The following PGM5 variants were observed in gnomAD, a reference collection of about 807,000 sequenced individuals.
PGM5 encodes phosphoglucomutase-like protein 5.
PGM5 carries 23 observed loss-of-function variants against 59.2 expected under a neutral mutation model. The observed-to-expected ratio is 0.39, with a 90% confidence interval of 0.28 to 0.55. The LOEUF is 0.55. Ranked by LOEUF, PGM5 falls within the 20% of genes least tolerant of loss-of-function variation. The pLI, the probability that PGM5 is intolerant of heterozygous loss-of-function variation, is 0.66. For synonymous variants in PGM5, 214 were observed against 286.0 expected, an observed-to-expected ratio of 0.75 and a Z score of 2.54; for missense variants, 574 against 748.3, an observed-to-expected ratio of 0.77 and a Z score of 2.72.
At chr9:68,518,339 A>C (rs1824852182) in intron 10 of PGM5, among the ~76,000 whole-genome samples, 1 of 152,246 alleles carries the variant, frequency 6.6e-6, no homozygotes, top group African/African-American at 2.4e-5. Context: ...TATTTCTATA[A>C]GCAATTTTTC....
At chr9:68,406,696 ATATATATATATATATATATATATATAT>A (rs1822823243) in intron 6 of PGM5, among the ~76,000 whole-genome samples, 1 of 75,066 alleles carries the variant, frequency 1.3e-5, no homozygotes, top group African/African-American at 5.3e-5. Context: ...ATATATATAT[ATATATATATATATATATATATATATAT>A]ATGTATATAG....
chr9:68,422,704 C>T (rs1242836546), intron 6 of PGM5, among the ~76,000 whole-genome samples: 1 of 152,112 alleles, frequency 6.6e-6, no homozygotes, highest in African/African-American at 2.4e-5. Context: ...GTGATAAAAG[C>T]AGTCTGCAAA....
chr9:68,433,934 T>A (rs1823397246), intron 6 of PGM5, among the ~76,000 whole-genome samples: 1 of 152,232 alleles, frequency 6.6e-6, no homozygotes, highest in Admixed American at 6.5e-5. Context: ...TGAATAAGTC[T>A]GCAGATGTCT....
At chr9:68,519,958 T>C (rs1339655813) in intron 10 of PGM5, among the ~76,000 whole-genome samples, 1 of 150,558 alleles carries the variant, frequency 6.6e-6, no homozygotes, top group African/African-American at 2.4e-5. Flanking sequence ...GGTGTGATGG[T>C]GTGCACTTGT....
chr9:68,456,719 G>A (rs1823785752), intron 6 of PGM5, among the ~76,000 whole-genome samples: 1 of 150,760 alleles, frequency 6.6e-6, no homozygotes. Context: ...CCACTTCCCG[G>A]GTTCAAGTGA....
intron 10 of PGM5, among the ~76,000 whole-genome samples, chr9:68,501,222 C>T (rs1370859654): frequency 6.6e-6 from 1 of 152,024 alleles, no homozygotes; most frequent in Non-Finnish European, 1.5e-5. Context: ...GATGGGCCCC[C>T]GAGTATGTAG....
intron 6 of PGM5, among the ~76,000 whole-genome samples, chr9:68,418,911 C>T (rs538362049): frequency 8.5e-4 from 130 of 152,072 alleles, no homozygotes; most frequent in South Asian, 3.7e-3. Flanking sequence ...AAAATGATAC[C>T]GCAGGAGGAA....
intron 10 of PGM5, among the ~76,000 whole-genome samples, chr9:68,525,729 A>C (rs1397637554): frequency 6.6e-6 from 1 of 152,228 alleles, no homozygotes; most frequent in Non-Finnish European, 1.5e-5. Context: ...TTATACACTC[A>C]GGGAAGAAAA....
chr9:68,483,788 T>C, intron 8 of PGM5, 77 bp from the exon 9 acceptor site: 2 of 1,323,802 alleles, frequency 1.5e-6, no homozygotes, highest in Non-Finnish European at 2.1e-6. Context: ...ACAGAACCAA[T>C]GATTAAATAA....
At chr9:68,489,695 G>T (rs1430587852) in intron 9 of PGM5, among the ~76,000 whole-genome samples, 2 of 151,982 alleles carry the variant, frequency 1.3e-5, no homozygotes, top group Non-Finnish European at 2.9e-5. Context: ...TCAAACTCCT[G>T]ACCTCAAGTG....
chr9:68,376,834 TCTTTC>T (rs1383214410), intron 1 of PGM5, among the ~76,000 whole-genome samples: 33 of 86,804 alleles, frequency 3.8e-4, no homozygotes, highest in Non-Finnish European at 5.4e-4. Flanking sequence ...TCTTTCTTTC[TCTTTC>T]TTTCTTTCTT....
chr9:68,436,250 C>T (rs1257509832), intron 6 of PGM5, among the ~76,000 whole-genome samples: 1 of 152,110 alleles, frequency 6.6e-6, no homozygotes, highest in Non-Finnish European at 1.5e-5. Flanking sequence ...AAAGCTCTAC[C>T]CAAACAGGGA....
At chr9:68,396,938 A>C (rs1822521875) in intron 6 of PGM5, 1 of 152,272 alleles carries the variant, frequency 6.6e-6, no homozygotes, top group African/African-American at 2.4e-5. Flanking sequence ...GAATAAGGGG[A>C]GGCCTGTACC....
At chr9:68,399,617 C>A (rs1322947309) in intron 6 of PGM5, among the ~76,000 whole-genome samples, 1 of 150,884 alleles carries the variant, frequency 6.6e-6, no homozygotes, top group Non-Finnish European at 1.5e-5. Context: ...TATTAATTGC[C>A]TATTCCTGTC....
chr9:68,402,713 A>G (rs1455131129), intron 6 of PGM5, among the ~76,000 whole-genome samples: 2 of 152,204 alleles, frequency 1.3e-5, no homozygotes, highest in Non-Finnish European at 2.9e-5. Flanking sequence ...AAGCCACCAG[A>G]GAAGTTTGGT....
chr9:68,368,121 T>C (rs1335111399), intron 1 of PGM5, among the ~76,000 whole-genome samples: 2 of 151,860 alleles, frequency 1.3e-5, no homozygotes, highest in Non-Finnish European at 1.5e-5. Flanking sequence ...AGCCCCCCCA[T>C]AAAGCTTTGT....
At chr9:68,408,278 G>A (rs561281707) in intron 6 of PGM5, among the ~76,000 whole-genome samples, 1 of 152,354 alleles carries the variant, frequency 6.6e-6, no homozygotes, top group East Asian at 1.9e-4. Context: ...GCAGAGGCTG[G>A]GGTGTGGCTG....
chr9:68,491,114 C>G (rs1489729995), intron 9 of PGM5, among the ~76,000 whole-genome samples: 1 of 152,186 alleles, frequency 6.6e-6, no homozygotes, highest in Non-Finnish European at 1.5e-5. Flanking sequence ...CCAGTCAGCT[C>G]ATTAGCACCG....
intron 10 of PGM5, among the ~76,000 whole-genome samples, chr9:68,510,357 T>C (rs552388116): frequency 6.6e-6 from 1 of 152,110 alleles, no homozygotes; most frequent in Non-Finnish European, 1.5e-5. Context: ...TTCACCATGT[T>C]AGTCAGGATG....
Sources: allele counts gnomAD v4.1 joint callset (sites outside exome capture counted in the v4.1 genomes callset), GRCh38; gene constraint gnomAD v4.1.1; transcripts MANE v1.5; gene names NCBI Gene and HGNC (gene_info 2026-07-23, HGNC 2026-07-21).